RALGDS: variants seen among roughly 807,000 people sequenced by gnomAD.
RALGDS encodes ral guanine nucleotide dissociation stimulator.
RALGDS carries 44 observed loss-of-function variants against 99.8 expected under a neutral mutation model. The ratio of observed to expected loss-of-function variants is 0.44; its 90% CI spans 0.35 to 0.57. The LOEUF (loss-of-function observed/expected upper bound fraction) is 0.57. Ranked by LOEUF, RALGDS falls within the 20% of genes least tolerant of loss-of-function variation. RALGDS has a pLI of 0.01. For missense variants in RALGDS, 1,022 were observed against 1,203.1 expected, an observed-to-expected ratio of 0.85 and a Z score of 2.23; for synonymous variants, 529 against 505.0, an observed-to-expected ratio of 1.05 and a Z score of -0.64.
chr9:133,098,724 T>G lies in RALGDS; in HGVS notation c.2608A>C (p.Met870Leu). 1 of 1,614,050 alleles carries G rather than the reference T, an allele frequency of 6.2e-7. No homozygotes were observed. Among genetic ancestry groups the G allele is most frequent in the Non-Finnish European group, 8.5e-7 (1 of 1,180,002 alleles). The change falls in exon 18 of 18, where the codon ATG becomes CTG. Residue 870 changes from methionine to leucine, a missense_variant. Coordinates refer to ENST00000372050, the MANE Select transcript of RALGDS (RefSeq NM_006266.4). Reference sequence around the variant, plus strand: ...AAGTCATAGTTGGCGGTAGAGTTCATGGCATAGAAGACGTTGGCGTTTTCA... The same window carrying G: ...AAGTCATAGTTGGCGGTAGAGTTCAGGGCATAGAAGACGTTGGCGTTTTCA... ...IPENANVFYA[M>L]NSTANYDFVL...
upstream of RALGDS, among the ~76,000 whole-genome samples, chr9:133,125,438 A>G (rs1218600486): frequency 1.3e-5 from 2 of 152,150 alleles, no homozygotes; most frequent in African/African-American, 4.8e-5. Flanking sequence ...AATAAAAGTT[A>G]TAAGAAGAAA....
At position 133,121,085 on chromosome 9, in the gene RALGDS, G is replaced by C. The variant is rs758298329; in HGVS notation, c.70C>G (p.Arg24Gly). The change falls in exon 1 of 18, where the codon CGG becomes GGG. Residue 24 changes from arginine (R) to glycine (G), a missense_variant. Arg to Gly is a moderately radical substitution (Grantham distance 125). Transcript: ENST00000372050. ...GGAEPLFPGS[R>G]RSRSVWDAVR... Reference sequence around the variant, plus strand: ...GCGTCCCACACGCTGCGGCTCCGCCGGGAGCCCGGAAACAGCGGCTCGGCG... The same window carrying C: ...GCGTCCCACACGCTGCGGCTCCGCCCGGAGCCCGGAAACAGCGGCTCGGCG... 1.4e-6 allele frequency: 2 copies of C among 1,479,518 alleles called. No individual in the cohort carries two copies. The highest frequency in any genetic ancestry group is 2.5e-5 in the South Asian group (2 of 78,780). 91.6% of individuals were successfully genotyped at this position (1,479,518 alleles called of 1,614,324 possible).
At chr9:133,132,111 AGT>A (rs1832344414), upstream of RALGDS, among the ~76,000 whole-genome samples, 3 of 152,234 alleles carry the variant, frequency 2.0e-5, no homozygotes, top group Admixed American at 1.3e-4. Context: ...GGGTCTGCCC[AGT>A]GCTCAGAGTG....
chr9:133,120,434 C>CG (rs1243123381), intron 1 of RALGDS, among the ~76,000 whole-genome samples: 14 of 137,884 alleles, frequency 1.0e-4, no homozygotes, highest in African/African-American at 3.7e-4. Flanking sequence ...CCCGACCCCC[C>CG]CCCCACCCCG....
chr9:133,108,319 G>A lies in RALGDS; in HGVS notation c.866C>T (p.Pro289Leu), dbSNP rs1831173672. 8 of 1,545,614 alleles carry A rather than the reference G, an allele frequency of 5.2e-6. No homozygotes were observed. The highest frequency in any genetic ancestry group is 7.0e-6 in the Non-Finnish European group (8 of 1,147,466). The change falls in exon 6 of 18, where the codon CCA (proline) becomes CTA (leucine). Residue 289 changes from proline to leucine, a missense_variant. Physicochemically the swap from Pro to Leu is moderately conservative, Grantham distance 98 (BLOSUM62 -3). Coordinates refer to ENST00000372050, the MANE Select transcript of RALGDS (RefSeq NM_006266.4). ...TGGAGCTGGCTCTGGCTCCGGGGCT[G>A]GAGCCGGCACTGGGCTGGGTGCTCG... ...PARAPSPVPA[P>L]APEPEPAPTP...
chr9:133,131,817 G>A (rs1306279743), upstream of RALGDS, among the ~76,000 whole-genome samples: 2 of 152,222 alleles, frequency 1.3e-5, no homozygotes, highest in East Asian at 1.9e-4. Context: ...CTGGGCCAAT[G>A]ATTTAGCATC....
At chr9:133,132,309 C>T (rs1032281541), upstream of RALGDS, among the ~76,000 whole-genome samples, 22 of 152,158 alleles carry the variant, frequency 1.4e-4, no homozygotes, top group African/African-American at 5.3e-4. Context: ...GTGAGGCAGG[C>T]GGCAGGGGTT....
chr9:133,112,827 C>T (rs1486394476), intron 1 of RALGDS, among the ~76,000 whole-genome samples: 2 of 152,208 alleles, frequency 1.3e-5, no homozygotes, highest in African/African-American at 2.4e-5. Context: ...TTCATGCCCT[C>T]GTGCCTGCTT....
In RALGDS at chr9:133,110,077, C is replaced by T. The variant is rs559477467; in HGVS notation, c.488+219G>A. Among the ~76,000 whole-genome samples the T allele has an allele frequency of 2.0e-5, 3 of 152,336 alleles. No individual in the cohort carries two copies. The East Asian group carries it at 5.8e-4, about 29-fold the overall frequency. On this transcript the variant is annotated intron_variant, in intron 3 of 17. Coordinates refer to ENST00000372050, the MANE Select transcript of RALGDS (RefSeq NM_006266.4). ...AAACGAGCACCACAGCCCCGCAGCC[C>T]ATTCCCTACAGGGCCAGGCGTTGAG...
intron 12 of RALGDS, 67 bp from the exon 13 acceptor site, chr9:133,102,967 G>A: frequency 6.3e-7 from 1 of 1,598,998 alleles, no homozygotes. Context: ...CAGTCTCTGG[G>A]TCTTTGTTCT....
chr9:133,104,068 C>T (rs977523518), intron 10 of RALGDS, among the ~76,000 whole-genome samples, 195 bp downstream of exon 10: 21 of 152,214 alleles, frequency 1.4e-4, no homozygotes, highest in African/African-American at 4.1e-4. Context: ...CCGCCTGAGC[C>T]GGCTCTGCCA....
chr9:133,098,659 G>A lies in RALGDS; in HGVS notation c.2673C>T (p.Val891=), dbSNP rs1254834377. 6.2e-7 allele frequency: 1 copy of A among 1,614,164 alleles called. No individual in the cohort carries two copies. Among genetic ancestry groups the A allele is most frequent in the Non-Finnish European group, 8.5e-7 (1 of 1,180,036 alleles). ...GGAGGGTGGAGCTGGCTCCGTGCTT[G>A]ACCTTCACTCCCTTGGTGAAGGTCC... ...KKRTFTKGVK[V]KHGASSTLPR... The change falls in exon 18 of 18, where the codon GTC becomes GTT. Residue 891 remains valine, a synonymous_variant. Coordinates refer to ENST00000372050, the MANE Select transcript of RALGDS (RefSeq NM_006266.4).
chr9:133,101,921 G>A lies in RALGDS; in HGVS notation c.2211+17C>T. The stretch of plus-strand genomic sequence containing the variant: ...GGGAGATGGGAAAGGATATTGGGGA[G>A]AAGGGCAGGCAGTCACCTTCTTTTC... On this transcript the variant is annotated intron_variant, in intron 15 of 17. Coordinates refer to ENST00000372050, the MANE Select transcript of RALGDS (RefSeq NM_006266.4). 6.4e-7 allele frequency: 1 copy of A among 1,551,010 alleles called. No individual in the cohort carries two copies.
rs1237649761 is a variant in RALGDS, at chr9:133,100,352, T to C, written c.2485A>G (p.Ile829Val). The change falls in exon 17 of 18, where the codon ATC (isoleucine) becomes GTC (valine). Residue 829 changes from isoleucine to valine, a missense_variant. Physicochemically the swap from Ile to Val is conservative, Grantham distance 29 (BLOSUM62 3). Coordinates refer to ENST00000372050, the MANE Select transcript of RALGDS (RefSeq NM_006266.4). ...VTSQDKAPAVIRKAMDKHNLE... is the reference protein window; with the variant it reads ...VTSQDKAPAVVRKAMDKHNLE... ...TTGTGTTTGTCCATGGCCTTGCGGA[T>C]TACAGCCGGAGCCTTATCTTGGCTG... 1 of 1,614,162 alleles carries C rather than the reference T, an allele frequency of 6.2e-7. No homozygotes were observed. Among genetic ancestry groups the C allele is most frequent in the Non-Finnish European group, 8.5e-7 (1 of 1,180,014 alleles).
chr9:133,132,491 C>T (rs1410282289), upstream of RALGDS, among the ~76,000 whole-genome samples: 2 of 152,148 alleles, frequency 1.3e-5, no homozygotes, highest in Non-Finnish European at 2.9e-5. Context: ...TTTCCCTGAG[C>T]CTCGGTTTCC....
intron 1 of RALGDS, among the ~76,000 whole-genome samples, chr9:133,136,202 G>GA (rs1183879339): frequency 6.6e-6 from 1 of 152,158 alleles, no homozygotes; most frequent in Non-Finnish European, 1.5e-5. Context: ...ATGCATTTTT[G>GA]AAAATAAGAA....
chr9:133,101,761 A>C lies in RALGDS; in HGVS notation c.2213T>G (p.Phe738Cys). The part of the protein sequence containing the change: ...PESPDGQEKK[F>C]WESASQSSPE... ...GGATGACTGTGAGGCTGATTCCCAG[A>C]ACTGAGGGAGACGGTAAGATCAGCA... The change falls in exon 16 of 18, where the codon TTC (phenylalanine) becomes TGC (cysteine). Residue 738 changes from phenylalanine to cysteine, a missense_variant and splice_region_variant. Phe to Cys is a radical substitution (Grantham distance 205, BLOSUM62 -2). Coordinates refer to ENST00000372050, the MANE Select transcript of RALGDS (RefSeq NM_006266.4). The C allele has an allele frequency of 6.2e-7, 1 of 1,605,714 alleles. No individual in the cohort carries two copies. Among genetic ancestry groups the C allele is most frequent in the African/African-American group, 1.3e-5 (1 of 74,864 alleles).
At chr9:133,102,327 A>G in intron 14 of RALGDS, 149 bp downstream of exon 14, 1 of 1,078,258 alleles carries the variant, frequency 9.3e-7, no homozygotes, top group South Asian at 1.4e-5. Flanking sequence ...AGGCCCAAAA[A>G]GGTGAGGGGA....
In RALGDS at chr9:133,112,139, T is replaced by C. The variant is rs1831379366; in HGVS notation, c.197A>G (p.Glu66Gly). 6 of 1,564,822 alleles carry C rather than the reference T, an allele frequency of 3.8e-6. No homozygotes were observed. The highest frequency in any genetic ancestry group is 1.4e-5 in the African/African-American group (1 of 73,638). The change falls in exon 2 of 18, where the codon GAG (glutamate) becomes GGG (glycine). Residue 66 changes from glutamate (E) to glycine (G), a missense_variant. This residue lies in a region of RALGDS where 180 missense variants were observed against 169.3 expected (regional missense o/e 1.06). Coordinates refer to ENST00000372050, the MANE Select transcript of RALGDS (RefSeq NM_006266.4). ...TCCGTTGATCAGCTCCTCACCGATC[T>C]CCTGCGTGGAGCTCTGTGAAGACAA... Reference protein sequence around the residue: ...DLPRPESSTQEIGEELINGVI... With the variant: ...DLPRPESSTQGIGEELINGVI...
Sources: allele counts gnomAD v4.1 joint callset (sites outside exome capture counted in the v4.1 genomes callset), GRCh38; gene constraint gnomAD v4.1.1; regional missense constraint gnomAD v4.1.1; transcripts MANE v1.5; gene names NCBI Gene and HGNC (gene_info 2026-07-23, HGNC 2026-07-21).